DLG2: variants seen among roughly 807,000 people sequenced by gnomAD.
DLG2 encodes the protein discs large MAGUK scaffold protein 2, also known as disks large homolog 2.
A neutral mutation model predicts 132.5 loss-of-function variants in DLG2; 45 were observed. The ratio of observed to expected loss-of-function variants is 0.34; its 90% CI spans 0.27 to 0.44. The LOEUF (loss-of-function observed/expected upper bound fraction) is 0.44, where lower values mean the gene tolerates loss of function less well. DLG2 is among the 20% of genes least tolerant of loss of function. The probability of loss-of-function intolerance (pLI) is 1.00; values close to 1 mark genes in which losing one functional copy is unlikely to be tolerated. For synonymous variants in DLG2, 424 were observed against 419.6 expected (o/e 1.01, Z -0.13); for missense variants, 1,045 against 1,196.9 (o/e 0.87, Z 1.87).
At chr11:83,896,812 A>T (rs2071846553) in intron 15 of DLG2, among the ~76,000 whole-genome samples, 1 of 152,212 alleles carries the variant, frequency 6.6e-6, no homozygotes, top group African/African-American at 2.4e-5. Flanking sequence ...TGAATTATAC[A>T]CTAGAAATGG....
chr11:84,692,512 A>G (rs1223593350), intron 6 of DLG2, among the ~76,000 whole-genome samples: 1 of 151,616 alleles, frequency 6.6e-6, no homozygotes, highest in Non-Finnish European at 1.5e-5. Context: ...ATTCCTCTAG[A>G]TTTTCATTTA....
chr11:83,786,464 A>G, intron 18 of DLG2: 2 of 472,900 alleles, frequency 4.2e-6, no homozygotes, highest in Non-Finnish European at 7.6e-6. Flanking sequence ...ATTTATTTGA[A>G]TTCATATTTT....
At chr11:83,955,181 G>T (rs1370170264) in intron 14 of DLG2, among the ~76,000 whole-genome samples, 1 of 152,106 alleles carries the variant, frequency 6.6e-6, no homozygotes, top group Non-Finnish European at 1.5e-5. Context: ...ACAAACCTAT[G>T]ATGTAGAAAG....
At chr11:84,993,098 A>G (rs1195381913) in intron 6 of DLG2, among the ~76,000 whole-genome samples, 2 of 152,244 alleles carry the variant, frequency 1.3e-5, no homozygotes, top group East Asian at 3.8e-4. Flanking sequence ...TGCAACCATA[A>G]AAAAGAATGA....
intron 6 of DLG2, among the ~76,000 whole-genome samples, chr11:84,809,485 T>G (rs1208628940): frequency 1.3e-5 from 2 of 151,642 alleles, no homozygotes; most frequent in African/African-American, 2.4e-5. Context: ...TGTTCCTATT[T>G]GCATATGACA....
At position 85,426,892 on chromosome 11, in the gene DLG2, G is replaced by A. The variant is rs183441619; in HGVS notation, c.41-141527C>T. On this transcript the variant is annotated intron_variant, in intron 3 of 27. Transcript: ENST00000376104. ...TAAAAACCTTGAAAAAAAATTAGAC[G>A]AATGGCTAACTAGAATAACCAATGC... Among the ~76,000 whole-genome samples the A allele has an allele frequency of 3.8e-3, 571 of 152,146 alleles. 3 individuals are homozygous for A. The highest frequency in any genetic ancestry group is 0.013 in the African/African-American group (536 of 41,506).
intron 6 of DLG2, among the ~76,000 whole-genome samples, chr11:84,741,854 T>A (rs575831743): frequency 1.3e-5 from 2 of 151,936 alleles, no homozygotes; most frequent in African/African-American, 4.8e-5. Flanking sequence ...AGAAAAGGAA[T>A]AAAAAATAAT....
At chr11:84,172,672 A>C (rs555477099) in intron 8 of DLG2, among the ~76,000 whole-genome samples, 5 of 151,902 alleles carry the variant, frequency 3.3e-5, no homozygotes, top group South Asian at 2.1e-4. Flanking sequence ...CCTCCCAAGT[A>C]GCTGTGATTA....
At chr11:84,319,353 A>G (rs947482308) in intron 7 of DLG2, among the ~76,000 whole-genome samples, 3 of 152,212 alleles carry the variant, frequency 2.0e-5, no homozygotes, top group African/African-American at 7.2e-5. Context: ...CAATATGCCA[A>G]TGCCATCACT....
chr11:84,612,294 G>A (rs1225926853), intron 6 of DLG2, among the ~76,000 whole-genome samples: 1 of 151,994 alleles, frequency 6.6e-6, no homozygotes, highest in Non-Finnish European at 1.5e-5. Context: ...TTCAATGTAT[G>A]GAAGTGTCAC....
intron 6 of DLG2, among the ~76,000 whole-genome samples, chr11:84,889,520 T>G (rs533219729): frequency 6.6e-6 from 1 of 152,242 alleles, no homozygotes; most frequent in South Asian, 2.1e-4. Flanking sequence ...GACAACAGTA[T>G]AGACAAGGAA....
chr11:84,007,394 G>A (rs940591436), intron 11 of DLG2, among the ~76,000 whole-genome samples: 3 of 151,482 alleles, frequency 2.0e-5, no homozygotes, highest in Non-Finnish European at 4.4e-5. Flanking sequence ...TCTTTACTTT[G>A]CCATAAAATC....
intron 7 of DLG2, among the ~76,000 whole-genome samples, chr11:84,493,907 A>G (rs938547722): frequency 3.9e-5 from 6 of 152,166 alleles, no homozygotes; most frequent in African/African-American, 1.2e-4. Context: ...TGAGGTAAGT[A>G]TCTTGGCCCC....
intron 7 of DLG2, among the ~76,000 whole-genome samples, chr11:84,386,143 ACT>A (rs2098769098): frequency 6.6e-6 from 1 of 151,826 alleles, no homozygotes; most frequent in Non-Finnish European, 1.5e-5. Context: ...AAAAGCTTAG[ACT>A]CTCCCAGCCC....
chr11:83,620,453 A>AAAAGC (rs2061447382), intron 19 of DLG2, among the ~76,000 whole-genome samples: 1 of 152,236 alleles, frequency 6.6e-6, no homozygotes, highest in Non-Finnish European at 1.5e-5. Context: ...AGTATCACTG[A>AAAAGC]AAAGCATCAG....
intron 3 of DLG2, among the ~76,000 whole-genome samples, chr11:85,301,660 G>A (rs11823978): frequency 0.1 from 15,249 of 152,058 alleles, 876 homozygotes; most frequent in African/African-American, 0.15. Context: ...GCCAGTAGTG[G>A]CTGAACCAGG....
At chr11:83,787,749 T>C (rs1359276867) in intron 17 of DLG2, among the ~76,000 whole-genome samples, 1 of 152,148 alleles carries the variant, frequency 6.6e-6, no homozygotes, top group Non-Finnish European at 1.5e-5. Flanking sequence ...TTGGGTCCCA[T>C]ACTGAAAGAG....
intron 18 of DLG2, among the ~76,000 whole-genome samples, chr11:83,763,354 G>T (rs2093996851): frequency 1.3e-5 from 2 of 152,020 alleles, no homozygotes; most frequent in Non-Finnish European, 2.9e-5. Flanking sequence ...GTAGACTCCA[G>T]TGTCTCATTC....
In DLG2 at chr11:84,627,398, C is replaced by G. The variant is rs778391930; in HGVS notation, c.358-92667G>C. 2.0e-4 allele frequency among the ~76,000 whole-genome samples: 30 copies of G among 152,306 alleles called. 1 individual carries two copies. Among genetic ancestry groups the G allele is most frequent in the Middle Eastern group, 6.8e-3 (2 of 294 alleles). ...TCTAATTTCCAATTCCATTTCTGAA[C>G]TCTTACAGAATTTACACATATACTA... On this transcript the variant is annotated intron_variant, in intron 6 of 27. Coordinates refer to ENST00000376104, the MANE Select transcript of DLG2 (RefSeq NM_001142699.3).
Sources: gnomAD v4.1 joint callset for allele counts (sites outside exome capture counted in the v4.1 genomes callset) on GRCh38, gnomAD v4.1.1 for gene constraint, MANE v1.5 for transcripts, NCBI Gene and HGNC (gene_info 2026-07-23, HGNC 2026-07-21) for gene names.